Variants in BMAL1 observed in about 807,000 individuals in gnomAD.
BMAL1 encodes basic helix-loop-helix ARNT like 1, also known as basic helix-loop-helix ARNT-like protein 1.
At chr11:13,330,103 A>G in the BMAL1 span, among the ~76,000 whole-genome samples, 1 of 152,216 alleles carries the variant, frequency 6.6e-6, no homozygotes, top group African/African-American at 2.4e-5. Context: ...ATCACAAGGA[A>G]AGGGCTTAAT....
At chr11:13,376,110 A>G in the BMAL1 span, among the ~76,000 whole-genome samples, 1 of 152,228 alleles carries the variant, frequency 6.6e-6, no homozygotes, top group African/African-American at 2.4e-5. Flanking sequence ...AGGCTCATTC[A>G]GGCACTAGCT....
At chr11:13,313,090 GT>G in the BMAL1 span, among the ~76,000 whole-genome samples, 2 of 152,224 alleles carry the variant, frequency 1.3e-5, no homozygotes, top group African/African-American at 2.4e-5. Flanking sequence ...TCAGCACCTT[GT>G]TTTAATTGTT....
chr11:13,373,399 C>T, the BMAL1 span, among the ~76,000 whole-genome samples: 102 of 152,340 alleles, frequency 6.7e-4, no homozygotes, highest in Non-Finnish European at 1.2e-3. Flanking sequence ...CTTGTGGCCT[C>T]AGCTGCTGCA....
the BMAL1 span, among the ~76,000 whole-genome samples, chr11:13,337,421 T>C: frequency 1.3e-5 from 2 of 152,200 alleles, no homozygotes; most frequent in Non-Finnish European, 1.5e-5. Flanking sequence ...TGTATATCTA[T>C]TTATATCTAT....
At chr11:13,289,231 T>C in the BMAL1 span, among the ~76,000 whole-genome samples, 3 of 152,122 alleles carry the variant, frequency 2.0e-5, no homozygotes, top group Admixed American at 1.3e-4. Context: ...GCAGTTTTAA[T>C]AGTGAAGATG....
the BMAL1 span, among the ~76,000 whole-genome samples, chr11:13,344,105 A>T: frequency 8.5e-5 from 13 of 152,170 alleles, no homozygotes; most frequent in Non-Finnish European, 1.2e-4. Context: ...TGCTCAGGGC[A>T]TTCTCCCTAC....
At chr11:13,365,637 C>A in the BMAL1 span, 1 of 1,486,010 alleles carries the variant, frequency 6.7e-7, no homozygotes, top group South Asian at 1.2e-5. Flanking sequence ...TCACAGCAGT[C>A]AGAAGTGTCA....
At chr11:13,364,337 C>T in the BMAL1 span, among the ~76,000 whole-genome samples, 1 of 152,200 alleles carries the variant, frequency 6.6e-6, no homozygotes, top group Admixed American at 6.5e-5. Context: ...GATTCTGTTC[C>T]CCTCTCACTC....
the BMAL1 span, among the ~76,000 whole-genome samples, chr11:13,360,758 T>C: frequency 6.6e-6 from 1 of 152,304 alleles, no homozygotes; most frequent in South Asian, 2.1e-4. Flanking sequence ...CCAACAACAA[T>C]TGAGAATTTC....
chr11:13,356,424 C>A, the BMAL1 span: 1 of 559,040 alleles, frequency 1.8e-6, no homozygotes, highest in Non-Finnish European at 3.3e-6. Context: ...CTATGGTTAA[C>A]TAAGCATTTT....
At chr11:13,284,180 G>GTATA in the BMAL1 span, among the ~76,000 whole-genome samples, 710 of 21,104 alleles carry the variant, frequency 0.034, 59 homozygotes, top group African/African-American at 0.059. Context: ...ATATATATGT[G>GTATA]TATATATATA....
the BMAL1 span, among the ~76,000 whole-genome samples, chr11:13,277,465 C>T: frequency 5.9e-4 from 90 of 152,350 alleles, no homozygotes; most frequent in Middle Eastern, 3.4e-3. Context: ...TGGTCCTCTC[C>T]TCGGGGCGTG....
the BMAL1 span, among the ~76,000 whole-genome samples, chr11:13,369,451 C>T: frequency 6.6e-6 from 1 of 152,186 alleles, no homozygotes; most frequent in Non-Finnish European, 1.5e-5. Flanking sequence ...TGACAACACA[C>T]CTGTCCATGC....
the BMAL1 span, among the ~76,000 whole-genome samples, chr11:13,339,599 C>T: frequency 1.3e-5 from 2 of 152,156 alleles, no homozygotes; most frequent in African/African-American, 4.8e-5. Context: ...CCCTACCTTC[C>T]TTAGCTGTCT....
chr11:13,278,188 G>A, the BMAL1 span, among the ~76,000 whole-genome samples: 1 of 152,244 alleles, frequency 6.6e-6, no homozygotes, highest in Non-Finnish European at 1.5e-5. Context: ...CTGCGGGCTA[G>A]GGCAGGCAGA....
the BMAL1 span, among the ~76,000 whole-genome samples, chr11:13,377,369 G>C: frequency 6.6e-6 from 1 of 152,148 alleles, no homozygotes; most frequent in Non-Finnish European, 1.5e-5. Context: ...TCCCCTACCT[G>C]ATTGGTTGTT....
the BMAL1 span, among the ~76,000 whole-genome samples, chr11:13,367,837 T>C: frequency 6.6e-6 from 1 of 152,200 alleles, no homozygotes; most frequent in Non-Finnish European, 1.5e-5. Context: ...TTCTCATTTA[T>C]GGAAGAGTAC....
chr11:13,372,128 T>A, the BMAL1 span: 3 of 1,610,702 alleles, frequency 1.9e-6, no homozygotes, highest in Non-Finnish European at 2.5e-6. Flanking sequence ...GGCCCAAACC[T>A]AGTGCTGACA....
chr11:13,324,440 T>C, the BMAL1 span, among the ~76,000 whole-genome samples: 1 of 152,190 alleles, frequency 6.6e-6, no homozygotes, highest in African/African-American at 2.4e-5. Flanking sequence ...CCGCCTGAGC[T>C]GCTCTTCCCC....
Sources: allele counts gnomAD v4.1 joint callset (sites outside exome capture counted in the v4.1 genomes callset), GRCh38; gene constraint gnomAD v4.1.1; transcripts MANE v1.5; gene names NCBI Gene and HGNC (gene_info 2026-07-23, HGNC 2026-07-21).